The following PSD3 variants were observed in gnomAD, a reference collection of about 807,000 sequenced individuals.
PSD3 encodes PH and SEC7 domain-containing protein 3.
In PSD3, 49 loss-of-function variants were observed where a neutral mutation model predicts 105.5. The ratio of observed to expected loss-of-function variants is 0.46; its 90% CI spans 0.37 to 0.59. The LOEUF is 0.59. Ranked by LOEUF, PSD3 falls within the 20% of genes least tolerant of loss-of-function variation. The probability of loss-of-function intolerance (pLI) is 0.00; values close to 1 mark genes in which losing one functional copy is unlikely to be tolerated. For missense variants in PSD3, 1,561 were observed against 1,263.8 expected, an observed-to-expected ratio of 1.24 and a Z score of -3.57; for synonymous variants, 557 against 457.8, an observed-to-expected ratio of 1.22 and a Z score of -2.77.
At chr8:18,691,320 G>A (rs554005497) in intron 9 of PSD3, among the ~76,000 whole-genome samples, 1 of 152,316 alleles carries the variant, frequency 6.6e-6, no homozygotes, top group African/African-American at 2.4e-5. Flanking sequence ...TAGATTTGCT[G>A]TTTAGAAGTA....
At chr8:18,942,779 T>C (rs1255072163) in intron 1 of PSD3, among the ~76,000 whole-genome samples, 1 of 152,114 alleles carries the variant, frequency 6.6e-6, no homozygotes, top group African/African-American at 2.4e-5. Flanking sequence ...TGTAAGAAAA[T>C]TAATTTCTGT....
At position 18,572,626 on chromosome 8, in the gene PSD3, C is replaced by T. The variant is rs1393151589; in HGVS notation, c.2686G>A (p.Ala896Thr). Residue 896 changes from alanine (A) to threonine (T), a missense_variant, in exon 14 of 16, where the codon GCA (alanine) becomes ACA (threonine). Physicochemically the swap from Ala to Thr is moderately conservative, Grantham distance 58. Transcript: ENST00000327040. ...AATGGTGGTGCAGAAAATACAGCTG[C>T]CACACAATTGATTTTGTTTATCCAC... ...QGWINKINCV[A>T]AVFSAPPFPA... The T allele has an allele frequency of 6.2e-7, 1 of 1,613,978 alleles. No homozygotes were observed. Among genetic ancestry groups the T allele is most frequent in the Non-Finnish European group, 8.5e-7 (1 of 1,179,916 alleles).
At chr8:18,610,399 G>T (rs988135978) in intron 11 of PSD3, among the ~76,000 whole-genome samples, 1 of 152,124 alleles carries the variant, frequency 6.6e-6, no homozygotes, top group African/African-American at 2.4e-5. Flanking sequence ...AATAAGGTAC[G>T]TGCTGAGCTG....
intron 4 of PSD3, among the ~76,000 whole-genome samples, chr8:18,855,320 A>G (rs1156502303): frequency 6.6e-6 from 1 of 152,216 alleles, no homozygotes; most frequent in African/African-American, 2.4e-5. Context: ...ATATACCCAG[A>G]CTAGAGAAGT....
intron 15 of PSD3, among the ~76,000 whole-genome samples, chr8:18,552,583 A>G (rs1800832225): frequency 1.3e-5 from 2 of 152,230 alleles, no homozygotes; most frequent in Non-Finnish European, 2.9e-5. Flanking sequence ...GATCTGCCCC[A>G]GAACTTGATC....
intron 2 of PSD3, among the ~76,000 whole-genome samples, chr8:18,881,060 C>T (rs564833953): frequency 3.0e-4 from 45 of 152,296 alleles, no homozygotes; most frequent in East Asian, 9.7e-4. Context: ...AGAAGTCATA[C>T]TTTTCTATCA....
intron 1 of PSD3, among the ~76,000 whole-genome samples, chr8:19,027,042 C>T (rs992181370): frequency 6.6e-6 from 1 of 152,046 alleles, no homozygotes; most frequent in African/African-American, 2.4e-5. Context: ...ACATTGTCGA[C>T]AAAGTTGGTA....
At chr8:19,067,841 C>A (rs17127772) in intron 1 of PSD3, among the ~76,000 whole-genome samples, 6,483 of 152,234 alleles carry the variant, frequency 0.043, 435 homozygotes, top group African/African-American at 0.15. Context: ...CTTTTTCTGG[C>A]CACCTTGGAG....
intron 1 of PSD3, among the ~76,000 whole-genome samples, chr8:19,021,158 G>A (rs1228283237): frequency 2.6e-5 from 4 of 152,178 alleles, no homozygotes; most frequent in Admixed American, 6.5e-5. Context: ...AATCTGAAAC[G>A]AGCAGTCAGT....
chr8:18,944,822 A>G (rs1388444991), intron 1 of PSD3, among the ~76,000 whole-genome samples: 1 of 152,192 alleles, frequency 6.6e-6, no homozygotes, highest in Non-Finnish European at 1.5e-5. Context: ...AGCCTCTTCA[A>G]GTTGGCTTCT....
intron 15 of PSD3, among the ~76,000 whole-genome samples, chr8:18,544,909 G>C (rs1800367156): frequency 6.6e-6 from 1 of 152,140 alleles, no homozygotes; most frequent in Non-Finnish European, 1.5e-5. Flanking sequence ...GTGACCATCA[G>C]TAGACGCTCC....
chr8:18,867,178 G>A (rs1160980722), intron 4 of PSD3, among the ~76,000 whole-genome samples: 3 of 152,140 alleles, frequency 2.0e-5, no homozygotes, highest in African/African-American at 7.2e-5. Context: ...CCTTCAACAC[G>A]TCAGGAACAG....
chr8:18,530,971 G>A lies in PSD3; in HGVS notation c.*4772C>T, dbSNP rs1799610086. The stretch of plus-strand genomic sequence containing the variant: ...TTGTACTTGCTTTTCATATCACACT[G>A]ATTAAGGACAAAAATAATTTTGATG... On this transcript the variant is annotated 3_prime_UTR_variant, in exon 16 of 16. Coordinates refer to ENST00000327040, the MANE Select transcript of PSD3 (RefSeq NM_015310.4). The A allele has an allele frequency of 6.6e-6, 1 of 152,050 alleles. No homozygotes were observed. The highest frequency in any genetic ancestry group is 2.1e-4 in the South Asian group (1 of 4,820). 9.4% of individuals were successfully genotyped at this position (152,050 alleles called of 1,614,324 possible). A position where few individuals can be genotyped will look rare whatever the true frequency, so the allele number is the denominator to read the frequency against.
intron 4 of PSD3, among the ~76,000 whole-genome samples, chr8:18,844,989 T>C (rs773396222): frequency 1.1e-4 from 17 of 152,214 alleles, no homozygotes; most frequent in Admixed American, 3.3e-4. Flanking sequence ...CAGCCATGGA[T>C]GGCTCAAAGC....
intron 9 of PSD3, among the ~76,000 whole-genome samples, chr8:18,693,686 T>C (rs1024401592): frequency 1.1e-4 from 16 of 152,204 alleles, no homozygotes; most frequent in Non-Finnish European, 1.6e-4. Context: ...TGCAGGCTAC[T>C]AGCCCCACAC....
At chr8:18,672,753 G>A (rs1428637055) in intron 9 of PSD3, among the ~76,000 whole-genome samples, 1 of 152,186 alleles carries the variant, frequency 6.6e-6, no homozygotes, top group African/African-American at 2.4e-5. Flanking sequence ...CTAAAACTGT[G>A]ACAGCAACTA....
intron 11 of PSD3, among the ~76,000 whole-genome samples, chr8:18,609,391 T>C (rs144169578): frequency 0.014 from 2,165 of 152,262 alleles, 14 homozygotes; most frequent in Non-Finnish European, 0.022. Context: ...TATAAAGCAA[T>C]CCCAATGATG....
At chr8:19,066,228 A>T (rs1233312664) in intron 1 of PSD3, among the ~76,000 whole-genome samples, 1 of 152,260 alleles carries the variant, frequency 6.6e-6, no homozygotes, top group Non-Finnish European at 1.5e-5. Flanking sequence ...TTAGAACGTC[A>T]TTAAAATCAT....
intron 1 of PSD3, among the ~76,000 whole-genome samples, chr8:19,003,744 G>A (rs547105309): frequency 6.6e-6 from 1 of 151,932 alleles, no homozygotes; most frequent in East Asian, 1.9e-4. Context: ...CACACTGGCA[G>A]GGGGTGGGGG....
Sources: gnomAD v4.1 joint callset for allele counts (sites outside exome capture counted in the v4.1 genomes callset) on GRCh38, gnomAD v4.1.1 for gene constraint, MANE v1.5 for transcripts, NCBI Gene and HGNC (gene_info 2026-07-23, HGNC 2026-07-21) for gene names.